Variants in PDGFRB observed in about 807,000 individuals in gnomAD.
PDGFRB encodes the protein platelet derived growth factor receptor beta.
A neutral mutation model predicts 120.2 loss-of-function variants in PDGFRB; 42 were observed. The ratio of observed to expected loss-of-function variants is 0.35; its 90% CI spans 0.27 to 0.45. The LOEUF (loss-of-function observed/expected upper bound fraction) is 0.45, where lower values mean the gene tolerates loss of function less well. PDGFRB is among the 20% of genes least tolerant of loss of function. PDGFRB has a pLI of 1.00. For synonymous variants in PDGFRB, 586 were observed against 606.8 expected, an observed-to-expected ratio of 0.97 and a Z score of 0.50; for missense variants, 1,149 against 1,476.3, an observed-to-expected ratio of 0.78 and a Z score of 3.63.
At chr5:150,153,376 G>A (rs1468299498) in intron 1 of PDGFRB, 1 of 152,258 alleles carries the variant, frequency 6.6e-6, no homozygotes. Context: ...CTGAAGCCAG[G>A]AGCAGGCTCT....
At chr5:150,151,233 A>T (rs941326375) in intron 1 of PDGFRB, among the ~76,000 whole-genome samples, 10 of 152,168 alleles carry the variant, frequency 6.6e-5, no homozygotes, top group Non-Finnish European at 1.3e-4. Flanking sequence ...GGAATCCTGA[A>T]ATTGTTTTAG....
chr5:150,129,500 A>C (rs1374228561), intron 10 of PDGFRB, among the ~76,000 whole-genome samples: 1 of 152,238 alleles, frequency 6.6e-6, no homozygotes, highest in South Asian at 2.1e-4. Context: ...TACGACATAC[A>C]TATAGTATAT....
At chr5:150,119,914 T>C in intron 19 of PDGFRB, 98 bp downstream of exon 19, 1 of 745,470 alleles carries the variant, frequency 1.3e-6, no homozygotes, top group Non-Finnish European at 2.5e-6. Flanking sequence ...GATCCCTGTA[T>C]CAGGGCTCGT....
rs146262547 is a variant in PDGFRB at position 150,126,653 on chromosome 5, G to A, written c.1580-39C>T. ...TGAGAGCAGGCCATGAGCAAACTGGGCAGCTACCCTCCCCTCACCCCATCT... is the reference window on the plus strand; with the variant it reads ...TGAGAGCAGGCCATGAGCAAACTGGACAGCTACCCTCCCCTCACCCCATCT... On this transcript the variant is annotated intron_variant, in intron 10 of 22. Transcript: ENST00000261799. The A allele has an allele frequency of 2.7e-4, 289 of 1,063,212 alleles. 1 individual carries two copies. In the African/African-American group the frequency reaches 4.1e-3, roughly 15 times the overall value. The allele number at this position is 1,063,212 out of a possible 1,614,324, so 65.9% of individuals were successfully genotyped here. A position where few individuals can be genotyped will look rare whatever the true frequency, so the allele number is the denominator to read the frequency against.
chr5:150,133,300 G>A (rs1230085851), intron 6 of PDGFRB, among the ~76,000 whole-genome samples: 1 of 152,096 alleles, frequency 6.6e-6, no homozygotes, highest in Non-Finnish European at 1.5e-5. Flanking sequence ...TGGGGCTCTG[G>A]CTAGTCAGAA....
Position 150,124,248 on chromosome 5 carries a change from A to G in PDGFRB, c.2023+2T>C. ...AGGCCTCTGGGGCAGTGGGCTCGGT[A>G]CCTCCTTTGGTGCAGGCCCCCAACA... On this transcript the variant is annotated splice_donor_variant, in intron 14 of 22. Transcript: ENST00000261799. LOFTEE classifies it high-confidence loss of function. The G allele has an allele frequency of 6.2e-7, 1 of 1,606,832 alleles. No homozygotes were observed. The highest frequency in any genetic ancestry group is 8.5e-7 in the Non-Finnish European group (1 of 1,173,698).
rs1234440868 is a variant in PDGFRB at position 150,120,402 on chromosome 5, G to A, written c.2587-279C>T. On this transcript the variant is annotated intron_variant, in intron 18 of 22. Coordinates refer to ENST00000261799, the MANE Select transcript of PDGFRB (RefSeq NM_002609.4). The surrounding 1 kb of genome is among the most constrained non-coding windows in gnomAD (Gnocchi z 4.3). ...TGAGTAGTGAAGTGTGGGAGCCAGG[G>A]ACTTGTCAAGGCACCCCCCAAGCTC... 6.6e-6 allele frequency among the ~76,000 whole-genome samples: 1 copy of A among 152,180 alleles called. No individual in the cohort carries two copies. The highest frequency in any genetic ancestry group is 1.5e-5 in the Non-Finnish European group (1 of 68,020).
rs1222946958 is a variant in PDGFRB, at chr5:150,125,462, C to T, written c.1790G>A (p.Arg597Gln). 2 of 1,611,916 alleles carry T rather than the reference C, an allele frequency of 1.2e-6. No homozygotes were observed. Among genetic ancestry groups the T allele is most frequent in the African/African-American group, 1.3e-5 (1 of 74,924 alleles). The part of the protein sequence containing the change: ...LPYDSTWELP[R>Q]DQLVLGRTLG... ...GGACTGACCCAGCACAAGCTGGTCCCGCGGCAGCTCCCACGTGGAGTCATA... is the reference window on the plus strand; with the variant it reads ...GGACTGACCCAGCACAAGCTGGTCCTGCGGCAGCTCCCACGTGGAGTCATA... The change falls in exon 12 of 23, where the codon CGG becomes CAG. Residue 597 changes from arginine (R) to glutamine (Q), a missense_variant. By Grantham distance (43) the Arg-to-Gln change is conservative. Around this residue, in one of 3 missense-constraint regions of PDGFRB, gnomAD observed 879 missense variants for 1,108.6 expected, o/e 0.79. Coordinates refer to ENST00000261799, the MANE Select transcript of PDGFRB (RefSeq NM_002609.4).
Position 150,114,762 on chromosome 5 carries a change from A to G in PDGFRB, c.*1001T>C, listed in dbSNP as rs1228640503. The G allele has an allele frequency of 4.3e-6, 1 of 233,436 alleles. No individual in the cohort carries two copies. The highest frequency in any genetic ancestry group is 8.5e-6 in the Non-Finnish European group (1 of 117,960). 14.5% of individuals were successfully genotyped at this position (233,436 alleles called of 1,614,324 possible). ...AATGTGCAACCACCTGGAATACTCT[A>G]GAATGTTAGTGCTGGCAAGGCACTC... On this transcript the variant is annotated 3_prime_UTR_variant, in exon 23 of 23. Transcript: ENST00000261799.
intron 1 of PDGFRB, among the ~76,000 whole-genome samples, chr5:150,146,288 G>T (rs1760918357): frequency 6.6e-6 from 1 of 152,144 alleles, no homozygotes; most frequent in Non-Finnish European, 1.5e-5. Context: ...TCTAGTTATT[G>T]TTCTGATCCC....
rs769479588 is a variant in PDGFRB at position 150,132,106 on chromosome 5, G to A, written c.1128-12C>T. On this transcript the variant is annotated splice_polypyrimidine_tract_variant and intron_variant, in intron 7 of 22. Coordinates refer to ENST00000261799, the MANE Select transcript of PDGFRB (RefSeq NM_002609.4). This position sits in a 1 kb window ranked among gnomAD's most constrained non-coding sequence, Gnocchi z 5.0. ...GCTCTGACACATACCTGGGGAGCAG[G>A]AAAGGCAGCTGTCAGAGTCGGAAGG... is the stretch of plus-strand genomic sequence containing the variant. 3.5e-6 allele frequency: 5 copies of A among 1,447,726 alleles called. No individual in the cohort carries two copies. The highest frequency in any genetic ancestry group is 2.3e-5 in the East Asian group (1 of 44,058). 89.7% of individuals were successfully genotyped at this position (1,447,726 alleles called of 1,614,324 possible). A position where few individuals can be genotyped will look rare whatever the true frequency, so the allele number is the denominator to read the frequency against.
chr5:150,155,319 TTA>T (rs1491537261), intron 1 of PDGFRB, 76 bp downstream of exon 1: 1 of 277,970 alleles, frequency 3.6e-6, no homozygotes, highest in Non-Finnish European at 6.7e-6. Flanking sequence ...TTTTTTTTTT[TTA>T]CCTACTCGAA....
At position 150,118,762 on chromosome 5, in the gene PDGFRB, G is replaced by A. The variant is rs139623802; in HGVS notation, c.2889C>T (p.Gly963=). Residue 963 remains glycine (G), a synonymous_variant, in exon 21 of 23, where the codon GGC becomes GGT. Coordinates refer to ENST00000261799, the MANE Select transcript of PDGFRB (RefSeq NM_002609.4). Reference sequence around the variant, plus strand: ...CTCAACATACCTTTTTGTAACCTTCGCCCAACAGTCTCTCGAGAAGCAGCA... The same window carrying A: ...CTCAACATACCTTTTTGTAACCTTCACCCAACAGTCTCTCGAGAAGCAGCA... ...QLVLLLERLL[G]EGYKKKYQQV... The A allele has an allele frequency of 3.7e-4, 591 of 1,608,930 alleles. 2 individuals are homozygous for A. The Middle Eastern group carries it at 4.8e-3, about 13-fold the overall frequency.
Position 150,155,487 on chromosome 5 carries a change from T to C in PDGFRB, c.-97A>G. On this transcript the variant is annotated 5_prime_UTR_variant, in exon 1 of 23. The change creates a new upstream start codon in the 5' untranslated region. Coordinates refer to ENST00000261799, the MANE Select transcript of PDGFRB (RefSeq NM_002609.4). ...GTCCTCCTTACTGCCCTCTCCCAGT[T>C]ATCAGAAAGACTGCTGGTCCCAGAG... The C allele has an allele frequency of 2.5e-6, 1 of 398,158 alleles. No homozygotes were observed. The allele number at this position is 398,158 out of a possible 1,614,324, so 24.7% of individuals were successfully genotyped here.
intron 21 of PDGFRB, 138 bp downstream of exon 21, chr5:150,118,609 A>G: frequency 1.5e-6 from 1 of 672,910 alleles, no homozygotes; most frequent in Non-Finnish European, 2.7e-6. Context: ...CCCTCCTAGA[A>G]CCAGCAGGGA....
At chr5:150,138,490 T>C (rs1239198848) in intron 1 of PDGFRB, among the ~76,000 whole-genome samples, 1 of 152,238 alleles carries the variant, frequency 6.6e-6, no homozygotes, top group Non-Finnish European at 1.5e-5. Context: ...CTCCCGCCTA[T>C]GGACCCCCAA....
In PDGFRB at chr5:150,121,064, C is replaced by G. The variant is rs943738346; in HGVS notation, c.2464-54G>C. On this transcript the variant is annotated intron_variant, in intron 17 of 22. Coordinates refer to ENST00000261799, the MANE Select transcript of PDGFRB (RefSeq NM_002609.4). The surrounding 1 kb of genome is among the most constrained non-coding windows in gnomAD (Gnocchi z 4.1). ...CTTGGGGACAATTGTGGGGAAAGAC[C>G]CTTCATGTCAAGGGCTTTGGGAAAA... 1.3e-6 allele frequency: 2 copies of G among 1,594,334 alleles called. No homozygotes were observed. The highest frequency in any genetic ancestry group is 1.7e-6 in the Non-Finnish European group (2 of 1,162,400).
rs1464017539 is a variant in PDGFRB, at chr5:150,133,683, G to A, written c.837C>T (p.Pro279=). Residue 279 remains proline, a synonymous_variant, in exon 6 of 23, where the codon CCC becomes CCT. Transcript: ENST00000261799. ...TCCCCGAGTCTTCTAACTCGGCACT[G>A]GGGATGTGCAGGATGGAGCGGATGT... ...PYHIRSILHI[P]SAELEDSGTY... 6.2e-7 allele frequency: 1 copy of A among 1,613,578 alleles called. No individual in the cohort carries two copies. The highest frequency in any genetic ancestry group is 1.7e-5 in the Admixed American group (1 of 60,010).
Position 150,129,821 on chromosome 5 carries a change from C to A in PDGFRB, c.1515G>T (p.Ser505=). Residue 505 remains serine, a synonymous_variant, in exon 10 of 23, where the codon TCG becomes TCT. Transcript: ENST00000261799. ...LRLQHVDRPL[S]VRCTLRNAVG... is the part of the protein sequence containing the mutation. ...CAGCGTTGCGCAGCGTGCAGCGCAC[C>A]GACAGTGGCCGATCCACGTGCTGCA... 1 of 1,614,080 alleles carries A rather than the reference C, an allele frequency of 6.2e-7. No individual in the cohort carries two copies. Among genetic ancestry groups the A allele is most frequent in the Non-Finnish European group, 8.5e-7 (1 of 1,180,038 alleles).
Sources: allele counts gnomAD v4.1 joint callset (sites outside exome capture counted in the v4.1 genomes callset), GRCh38; gene constraint gnomAD v4.1.1; regional missense constraint gnomAD v4.1.1; non-coding constraint Gnocchi (gnomAD v3.1); transcripts MANE v1.5; gene names NCBI Gene and HGNC (gene_info 2026-07-23, HGNC 2026-07-21).